ONECUT1: variants seen among roughly 807,000 people sequenced by gnomAD.
ONECUT1 encodes hepatocyte nuclear factor 6.
Under a neutral mutation model 25.6 loss-of-function variants are expected in ONECUT1, and 12 were observed. That is an observed-to-expected ratio of 0.47 (90% CI 0.30 to 0.76). The LOEUF is 0.76. Ranked by LOEUF, ONECUT1 falls within the 30% of genes least tolerant of loss-of-function variation. The pLI is 0.07. For missense variants in ONECUT1, 620 were observed against 651.2 expected (o/e 0.95, Z 0.52); for synonymous variants, 285 against 270.2 (o/e 1.05, Z -0.54).
At chr15:52,776,249 A>G (rs74012498) in intron 1 of ONECUT1, among the ~76,000 whole-genome samples, 2,401 of 152,330 alleles carry the variant, frequency 0.016, 67 homozygotes, top group African/African-American at 0.056. Flanking sequence ...TGTATTTGAG[A>G]GGGTGAACTA....
chr15:52,783,633 A>G (rs1337930203), intron 1 of ONECUT1, among the ~76,000 whole-genome samples: 4 of 152,216 alleles, frequency 2.6e-5, no homozygotes, highest in Non-Finnish European at 5.9e-5. Flanking sequence ...GACTCCGGTC[A>G]GTTTGCAGGA....
rs144697338 is a variant in ONECUT1, at chr15:52,789,114, G to T, written c.771C>A (p.Asn257Lys). Residue 257 changes from asparagine (N) to lysine (K), a missense_variant, in exon 1 of 2, where the codon AAC becomes AAA. Around this residue, in one of 4 missense-constraint regions of ONECUT1, gnomAD observed 440 missense variants for 404.9 expected, o/e 1.09. Transcript: ENST00000305901. This position sits in a 1 kb window ranked among gnomAD's most constrained non-coding sequence, Gnocchi z 4.1. ...LPPHHPHAHL[N>K]AQGHGQLLGT... Reference sequence around the variant, plus strand: ...CCAGGAGTTGCCCGTGGCCCTGGGCGTTCAGGTGGGCGTGGGGATGGTGCG... The same window carrying T: ...CCAGGAGTTGCCCGTGGCCCTGGGCTTTCAGGTGGGCGTGGGGATGGTGCG... The T allele has an allele frequency of 1.9e-6, 3 of 1,601,116 alleles. No individual in the cohort carries two copies. The highest frequency in any genetic ancestry group is 2.5e-6 in the Non-Finnish European group (3 of 1,179,728).
At chr15:52,761,286 G>T (rs927776261) in intron 1 of ONECUT1, among the ~76,000 whole-genome samples, 2 of 152,110 alleles carry the variant, frequency 1.3e-5, no homozygotes, top group African/African-American at 4.8e-5. Flanking sequence ...GGGATTATTT[G>T]CCATAACATG....
intron 1 of ONECUT1, among the ~76,000 whole-genome samples, chr15:52,770,168 G>A (rs752580557): frequency 6.6e-6 from 1 of 152,210 alleles, no homozygotes; most frequent in Non-Finnish European, 1.5e-5. Flanking sequence ...GCATTCTGCA[G>A]TGGGAGAGAC....
chr15:52,771,436 AGTGTGTGTGTGT>A lies in ONECUT1; in HGVS notation c.1106-13601_1106-13590del, dbSNP rs60500029. 6.1e-4 allele frequency among the ~76,000 whole-genome samples: 89 copies of A among 144,974 alleles called. No individual in the cohort carries two copies. In the East Asian group the frequency reaches 0.012, roughly 19 times the overall value. On this transcript the variant is annotated intron_variant, in intron 1 of 1. Coordinates refer to ENST00000305901, the MANE Select transcript of ONECUT1 (RefSeq NM_004498.4). Reference sequence around the variant, plus strand: ...TCATCTCATTTTTGCATAAAAAGCAAGTGTGTGTGTGTGTGTGTGTGTGTGTGTGTGTGTGTC... The same window carrying A: ...TCATCTCATTTTTGCATAAAAAGCAAGTGTGTGTGTGTGTGTGTGTGTGTC...
intron 1 of ONECUT1, among the ~76,000 whole-genome samples, chr15:52,773,776 C>G (rs2083782812): frequency 6.6e-6 from 1 of 152,112 alleles, no homozygotes. Flanking sequence ...TCAGTGAAAT[C>G]TGGGACAATT....
intron 1 of ONECUT1, among the ~76,000 whole-genome samples, chr15:52,758,166 T>C (rs2083685186): frequency 6.6e-6 from 1 of 152,222 alleles, no homozygotes; most frequent in South Asian, 2.1e-4. Flanking sequence ...TAAATGAACT[T>C]AATCAGTTTG....
At chr15:52,782,249 A>C (rs553387414) in intron 1 of ONECUT1, among the ~76,000 whole-genome samples, 30 of 152,314 alleles carry the variant, frequency 2.0e-4, no homozygotes, top group African/African-American at 6.3e-4. Flanking sequence ...TGGAAGAGAC[A>C]TATGTGGATG....
At chr15:52,780,642 G>A in intron 1 of ONECUT1, 1 of 1,535,268 alleles carries the variant, frequency 6.5e-7, no homozygotes, top group East Asian at 2.4e-5. Flanking sequence ...AATCGCTTTA[G>A]CCACTCCTCT....
chr15:52,789,728 T>C lies in ONECUT1; in HGVS notation c.157A>G (p.Met53Val). ...SHLPPAHPRSMGMASLLDGGS... is the reference protein window; with the variant it reads ...SHLPPAHPRSVGMASLLDGGS... ...CCGTCCAGCAGGGACGCCATGCCCA[T>C]GGAGCGCGGGTGCGCGGGGGGCAGG... is the stretch of plus-strand genomic sequence containing the variant. Residue 53 changes from methionine (M) to valine (V), a missense_variant, in exon 1 of 2, where the codon ATG (methionine) becomes GTG (valine). Met to Val is a conservative substitution (Grantham distance 21, BLOSUM62 1). Transcript: ENST00000305901. The surrounding 1 kb of genome is among the most constrained non-coding windows in gnomAD (Gnocchi z 4.1). The C allele has an allele frequency of 3.5e-6, 5 of 1,435,640 alleles. No individual in the cohort carries two copies. Among genetic ancestry groups the C allele is most frequent in the South Asian group, 1.5e-5 (1 of 65,954 alleles). 88.9% of individuals were successfully genotyped at this position (1,435,640 alleles called of 1,614,324 possible).
intron 1 of ONECUT1, among the ~76,000 whole-genome samples, chr15:52,766,191 G>T (rs1264126709): frequency 1.3e-5 from 2 of 151,662 alleles, no homozygotes; most frequent in Non-Finnish European, 2.9e-5. Flanking sequence ...ACCTTATCAT[G>T]TGATCCCCAC....
chr15:52,778,744 G>A (rs542606455), intron 1 of ONECUT1, among the ~76,000 whole-genome samples: 3 of 152,308 alleles, frequency 2.0e-5, no homozygotes, highest in South Asian at 4.1e-4. Flanking sequence ...ACCTGAAACT[G>A]CAGACAGAGC....
rs1273552966 is a variant in ONECUT1 at position 52,755,290 on chromosome 15, G to GT, written c.*2264dup. On this transcript the variant is annotated 3_prime_UTR_variant, in exon 2 of 2. Coordinates refer to ENST00000305901, the MANE Select transcript of ONECUT1 (RefSeq NM_004498.4). Reference sequence around the variant, plus strand: ...CTGGAGAGAGAGAAAATGTTAATCAGTTTTTTCCTTTTTGTTTATGTCATT... The same window carrying GT: ...CTGGAGAGAGAGAAAATGTTAATCAGTTTTTTTCCTTTTTGTTTATGTCATT... Among the ~76,000 whole-genome samples the GT allele has an allele frequency of 2.0e-5, 3 of 152,044 alleles. No homozygotes were observed. The highest frequency in any genetic ancestry group is 6.6e-5 in the Admixed American group (1 of 15,260).
chr15:52,785,069 C>A (rs2083865260), intron 1 of ONECUT1, among the ~76,000 whole-genome samples: 1 of 152,274 alleles, frequency 6.6e-6, no homozygotes, highest in Non-Finnish European at 1.5e-5. Context: ...ACGCTTCCAG[C>A]TCCTGCGTCC....
chr15:52,781,384 T>C (rs140991093), intron 1 of ONECUT1, among the ~76,000 whole-genome samples: 3 of 152,354 alleles, frequency 2.0e-5, no homozygotes, highest in African/African-American at 7.2e-5. Context: ...TAAGTTTTCA[T>C]AAGTGACTCT....
chr15:52,768,112 C>A (rs1428146983), intron 1 of ONECUT1, among the ~76,000 whole-genome samples: 1 of 151,956 alleles, frequency 6.6e-6, no homozygotes, highest in Non-Finnish European at 1.5e-5. Flanking sequence ...ATGCATAAGA[C>A]CCAGTGTTAG....
chr15:52,786,138 G>A (rs2083873564), intron 1 of ONECUT1, among the ~76,000 whole-genome samples: 1 of 152,246 alleles, frequency 6.6e-6, no homozygotes, highest in South Asian at 2.1e-4. Flanking sequence ...AACGGCCAAG[G>A]CGCTCTGCAA....
In ONECUT1 at chr15:52,789,969, A is replaced by G; in HGVS notation, c.-85T>C. The G allele has an allele frequency of 3.5e-6, 5 of 1,439,628 alleles. No homozygotes were observed. The highest frequency in any genetic ancestry group is 3.6e-6 in the Non-Finnish European group (4 of 1,103,960). The allele number at this position is 1,439,628 out of a possible 1,614,324, so 89.2% of individuals were successfully genotyped here. A position where few individuals can be genotyped will look rare whatever the true frequency, so the allele number is the denominator to read the frequency against. ...GGGGCGCACGGAGTCCGGTCTTCAC[A>G]TCGGCTGCTGGCGACTGTTGCCTTC... On this transcript the variant is annotated 5_prime_UTR_variant, in exon 1 of 2. An upstream start codon of the reference 5' UTR is lost. Coordinates refer to ENST00000305901, the MANE Select transcript of ONECUT1 (RefSeq NM_004498.4). This position sits in a 1 kb window ranked among gnomAD's most constrained non-coding sequence, Gnocchi z 4.1.
chr15:52,789,269 C>A lies in ONECUT1; in HGVS notation c.616G>T (p.Ala206Ser), dbSNP rs1407047856. Reference protein sequence around the residue: ...GLPHYAHPGAAMPTDKMLTPN... With the variant: ...GLPHYAHPGASMPTDKMLTPN... ...GTGAGCATCTTGTCGGTGGGCATGG[C>A]GGCCCCCGGGTGGGCATAGTGGGGG... Residue 206 changes from alanine to serine, a missense_variant, in exon 1 of 2, where the codon GCC becomes TCC. This residue lies in a region of ONECUT1 where 440 missense variants were observed against 404.9 expected (regional missense o/e 1.09). Transcript: ENST00000305901. The surrounding 1 kb of genome is among the most constrained non-coding windows in gnomAD (Gnocchi z 4.1). The A allele has an allele frequency of 6.5e-7, 1 of 1,546,386 alleles. No homozygotes were observed.
Sources: gnomAD v4.1 joint callset for allele counts (sites outside exome capture counted in the v4.1 genomes callset) on GRCh38, gnomAD v4.1.1 for gene constraint, gnomAD v4.1.1 regional missense constraint, Gnocchi (gnomAD v3.1) non-coding constraint, MANE v1.5 for transcripts, NCBI Gene and HGNC (gene_info 2026-07-23, HGNC 2026-07-21) for gene names.